DNER: variants seen among roughly 807,000 people sequenced by gnomAD.
The protein encoded by DNER is delta/notch like EGF repeat containing, also known as delta and Notch-like epidermal growth factor-related receptor.
Under a neutral mutation model 78.2 loss-of-function variants are expected in DNER, and 33 were observed. That is an observed-to-expected ratio of 0.42 (90% CI 0.32 to 0.56). The LOEUF (loss-of-function observed/expected upper bound fraction) is 0.56, where lower values mean the gene tolerates loss of function less well. DNER is among the 20% of genes least tolerant of loss of function. The probability of loss-of-function intolerance (pLI) is 0.11; values close to 1 mark genes in which losing one functional copy is unlikely to be tolerated. For missense variants in DNER, 918 were observed against 975.3 expected, an observed-to-expected ratio of 0.94 and a Z score of 0.78; for synonymous variants, 417 against 384.8, an observed-to-expected ratio of 1.08 and a Z score of -0.98.
intron 1 of DNER, among the ~76,000 whole-genome samples, chr2:229,641,441 T>A (rs1256334262): frequency 6.6e-6 from 1 of 152,146 alleles, no homozygotes; most frequent in Admixed American, 6.5e-5. Context: ...AGTACAATTT[T>A]TTACACAGAT....
intron 10 of DNER, among the ~76,000 whole-genome samples, chr2:229,393,388 T>C (rs113188457): frequency 0.034 from 5,096 of 151,988 alleles, 142 homozygotes; most frequent in African/African-American, 0.073. Context: ...ATCACGCCAC[T>C]GTACTCCAGC....
At chr2:229,432,052 T>C (rs1245314003) in intron 8 of DNER, among the ~76,000 whole-genome samples, 1 of 152,206 alleles carries the variant, frequency 6.6e-6, no homozygotes, top group East Asian at 1.9e-4. Flanking sequence ...TGCAAATGTT[T>C]GTAATACCAT....
At chr2:229,471,432 A>G (rs1052621941) in intron 7 of DNER, among the ~76,000 whole-genome samples, 4 of 152,190 alleles carry the variant, frequency 2.6e-5, no homozygotes, top group African/African-American at 4.8e-5. Context: ...GGGCCAACAT[A>G]AAGATTTAAA....
chr2:229,537,743 CT>C (rs1471493219), intron 5 of DNER, among the ~76,000 whole-genome samples: 3 of 151,792 alleles, frequency 2.0e-5, no homozygotes, highest in Non-Finnish European at 4.4e-5. Flanking sequence ...TTTTATTTTT[CT>C]TTTTTTCTTT....
intron 4 of DNER, among the ~76,000 whole-genome samples, chr2:229,578,152 G>GAGAAAAAC (rs1477454957): frequency 6.6e-6 from 1 of 152,188 alleles, no homozygotes; most frequent in Non-Finnish European, 1.5e-5. Flanking sequence ...TTTCTGACAA[G>GAGAAAAAC]AGAAAAACGT....
At chr2:229,599,441 T>C (rs1697786568) in intron 1 of DNER, among the ~76,000 whole-genome samples, 1 of 152,238 alleles carries the variant, frequency 6.6e-6, no homozygotes, top group Non-Finnish European at 1.5e-5. Flanking sequence ...TGGATAATTT[T>C]TTTTATCACT....
intron 1 of DNER, among the ~76,000 whole-genome samples, chr2:229,658,536 C>A (rs1698950389): frequency 3.9e-5 from 6 of 152,318 alleles, no homozygotes; most frequent in Admixed American, 3.9e-4. Context: ...TGAAGACTTG[C>A]CAATTCCTTC....
rs574027258 is a variant in DNER, at chr2:229,521,487, AGGT to A, written c.994-8554_994-8552del. On this transcript the variant is annotated intron_variant, in intron 5 of 12. Transcript: ENST00000341772. ...TGGGAACCAGACAGGACAGTCATTTAGGTCTGAAATTACATAGGTGACAGACAC... is the reference window on the plus strand; with the variant it reads ...TGGGAACCAGACAGGACAGTCATTTACTGAAATTACATAGGTGACAGACAC... Among the ~76,000 whole-genome samples, 5 of 152,340 alleles carry A rather than the reference AGGT, an allele frequency of 3.3e-5. No individual in the cohort carries two copies. The East Asian group carries it at 9.7e-4, about 29-fold the overall frequency.
At chr2:229,379,226 G>C (rs1692680234) in intron 11 of DNER, among the ~76,000 whole-genome samples, 1 of 152,290 alleles carries the variant, frequency 6.6e-6, no homozygotes, top group African/African-American at 2.4e-5. Flanking sequence ...CATAGCATAA[G>C]AGGTATAGTA....
chr2:229,391,006 C>T (rs578067626), intron 10 of DNER, among the ~76,000 whole-genome samples: 21 of 152,224 alleles, frequency 1.4e-4, no homozygotes, highest in African/African-American at 5.1e-4. Context: ...TTGCTGTGTT[C>T]TATGCTGGCT....
intron 6 of DNER, among the ~76,000 whole-genome samples, chr2:229,502,572 T>A (rs939281911): frequency 6.6e-6 from 1 of 152,150 alleles, no homozygotes; most frequent in Non-Finnish European, 1.5e-5. Context: ...GAATAGACAC[T>A]GACTCTGGAC....
intron 6 of DNER, among the ~76,000 whole-genome samples, chr2:229,482,427 T>C (rs1695180083): frequency 6.6e-6 from 1 of 152,198 alleles, no homozygotes; most frequent in South Asian, 2.1e-4. Context: ...AGGTTTGGAA[T>C]AAAACCCAAA....
chr2:229,672,509 G>A (rs1442211754), intron 1 of DNER, among the ~76,000 whole-genome samples: 1 of 151,628 alleles, frequency 6.6e-6, no homozygotes, highest in Non-Finnish European at 1.5e-5. Flanking sequence ...CAGGAAAGGG[G>A]AGAGAGGGAA....
intron 11 of DNER, among the ~76,000 whole-genome samples, chr2:229,387,572 G>GA (rs1340647670): frequency 3.4e-5 from 5 of 147,218 alleles, no homozygotes; most frequent in African/African-American, 1.2e-4. Flanking sequence ...AGAAAGAAAA[G>GA]AAAGAAGGAA....
chr2:229,519,300 C>G (rs1696045900), intron 5 of DNER, among the ~76,000 whole-genome samples: 1 of 152,144 alleles, frequency 6.6e-6, no homozygotes, highest in Admixed American at 6.6e-5. Context: ...TCCAGTGAGA[C>G]AAGTCTTCTC....
At chr2:229,645,285 A>T (rs1301906451) in intron 1 of DNER, among the ~76,000 whole-genome samples, 2 of 152,212 alleles carry the variant, frequency 1.3e-5, no homozygotes, top group African/African-American at 2.4e-5. Context: ...GGGATTGTAG[A>T]CATGCATCTG....
chr2:229,394,035 G>A (rs1450039829), intron 10 of DNER, among the ~76,000 whole-genome samples: 1 of 152,076 alleles, frequency 6.6e-6, no homozygotes, highest in Non-Finnish European at 1.5e-5. Context: ...ACAGATTCAA[G>A]ATGTGCAACA....
chr2:229,545,523 G>A (rs1478464617), intron 5 of DNER, among the ~76,000 whole-genome samples: 4 of 152,200 alleles, frequency 2.6e-5, no homozygotes, highest in South Asian at 2.1e-4. Flanking sequence ...GCAGTGAGCC[G>A]AGATCGCGCC....
intron 11 of DNER, among the ~76,000 whole-genome samples, chr2:229,371,673 C>T (rs1208172194): frequency 6.6e-6 from 1 of 152,164 alleles, no homozygotes; most frequent in Non-Finnish European, 1.5e-5. Context: ...TAAAATCAGA[C>T]CCACCTCCAC....
Sources: allele counts gnomAD v4.1 joint callset (sites outside exome capture counted in the v4.1 genomes callset), GRCh38; gene constraint gnomAD v4.1.1; transcripts MANE v1.5; gene names NCBI Gene and HGNC (gene_info 2026-07-23, HGNC 2026-07-21).